Variants in RASEF observed in about 807,000 individuals in gnomAD.
RASEF encodes RAS and EF-hand domain containing, also known as ras and EF-hand domain-containing protein.
A neutral mutation model predicts 90.1 loss-of-function variants in RASEF; 68 were observed. The observed-to-expected ratio is 0.75, with a 90% CI of 0.62 to 0.92. RASEF has a LOEUF of 0.92. Ranked by LOEUF, RASEF falls within the 40% of genes least tolerant of loss-of-function variation. The pLI, the probability that RASEF is intolerant of heterozygous loss-of-function variation, is 0.00. For missense variants in RASEF, 949 were observed against 937.2 expected (o/e 1.01, Z -0.16); for synonymous variants, 331 against 345.2 (o/e 0.96, Z 0.46).
chr9:83,097,654 C>G, the RASEF span, among the ~76,000 whole-genome samples: 1 of 152,156 alleles, frequency 6.6e-6, no homozygotes, highest in African/African-American at 2.4e-5. Flanking sequence ...TGAAAAAATG[C>G]TCATCATCAC....
At chr9:83,043,390 C>T (rs1361063036) in intron 1 of RASEF, among the ~76,000 whole-genome samples, 1 of 107,406 alleles carries the variant, frequency 9.3e-6, no homozygotes, top group Non-Finnish European at 1.9e-5. Context: ...GAGGGGTCTG[C>T]AGTGATTGGG....
the RASEF span, among the ~76,000 whole-genome samples, chr9:83,170,490 T>C: frequency 6.6e-6 from 1 of 151,948 alleles, no homozygotes; most frequent in African/African-American, 2.4e-5. Context: ...AAGATTTCAT[T>C]GAATCTATAT....
intron 4 of RASEF, among the ~76,000 whole-genome samples, chr9:83,013,108 T>A (rs923181564): frequency 1.3e-5 from 2 of 152,226 alleles, no homozygotes; most frequent in Non-Finnish European, 2.9e-5. Flanking sequence ...CATTTCTACA[T>A]GAGCTTTGCT....
the RASEF span, among the ~76,000 whole-genome samples, chr9:83,139,186 A>T: frequency 6.6e-6 from 1 of 152,156 alleles, no homozygotes; most frequent in African/African-American, 2.4e-5. Flanking sequence ...TCTTAACAGG[A>T]TCCCAGAGGA....
At chr9:83,025,482 A>C (rs1289589849) in intron 2 of RASEF, among the ~76,000 whole-genome samples, 1 of 152,188 alleles carries the variant, frequency 6.6e-6, no homozygotes, top group African/African-American at 2.4e-5. Context: ...CTCTAGATAA[A>C]AGTTTCCTGT....
At chr9:83,214,403 TATTA>T in the RASEF span, among the ~76,000 whole-genome samples, 24 of 152,152 alleles carry the variant, frequency 1.6e-4, no homozygotes, top group African/African-American at 5.8e-4. Context: ...AATAAATAAA[TATTA>T]ATTAATTTTT....
the RASEF span, among the ~76,000 whole-genome samples, chr9:83,100,952 T>G: frequency 2.0e-5 from 3 of 152,218 alleles, no homozygotes; most frequent in Non-Finnish European, 4.4e-5. Context: ...GGTCAACTAT[T>G]AGGTATATTA....
At chr9:83,122,121 C>T in the RASEF span, among the ~76,000 whole-genome samples, 4 of 152,206 alleles carry the variant, frequency 2.6e-5, no homozygotes, top group Non-Finnish European at 4.4e-5. Flanking sequence ...TGGTGAGGTG[C>T]CTTGTGGCTC....
At chr9:82,995,235 TTTGTGCCTCC>T (rs1296068946) in intron 14 of RASEF, among the ~76,000 whole-genome samples, 1 of 152,202 alleles carries the variant, frequency 6.6e-6, no homozygotes, top group Non-Finnish European at 1.5e-5. Flanking sequence ...GATCTTGCCT[TTTGTGCCTCC>T]TTTTCTTGAG....
chr9:83,014,355 T>C (rs751606324), intron 4 of RASEF, among the ~76,000 whole-genome samples: 4 of 152,148 alleles, frequency 2.6e-5, no homozygotes, highest in Admixed American at 6.6e-5. Context: ...TTTTTTAAGA[T>C]ACTGACATAA....
chr9:83,049,005 T>C (rs1050708313), intron 1 of RASEF, among the ~76,000 whole-genome samples: 2 of 151,626 alleles, frequency 1.3e-5, no homozygotes, highest in Admixed American at 1.3e-4. Context: ...ATGTCTGTAA[T>C]CCCAGCTACT....
chr9:83,092,817 A>C, the RASEF span, among the ~76,000 whole-genome samples: 2 of 152,080 alleles, frequency 1.3e-5, no homozygotes, highest in Non-Finnish European at 2.9e-5. Context: ...TGAGCTAGAC[A>C]CAAAGGTTCT....
chr9:83,075,632 C>T, the RASEF span, among the ~76,000 whole-genome samples: 2 of 152,086 alleles, frequency 1.3e-5, no homozygotes, highest in Admixed American at 1.3e-4. Context: ...TCTCAAAACA[C>T]TCAAAAATTT....
chr9:82,991,966 A>G (rs531763929), intron 15 of RASEF, among the ~76,000 whole-genome samples: 3 of 152,332 alleles, frequency 2.0e-5, no homozygotes, highest in African/African-American at 7.2e-5. Flanking sequence ...CCAGCACACA[A>G]TGAAGTGTTT....
chr9:83,135,314 A>C, the RASEF span, among the ~76,000 whole-genome samples: 1 of 151,990 alleles, frequency 6.6e-6, no homozygotes, highest in Non-Finnish European at 1.5e-5. Flanking sequence ...ACTTGGACAC[A>C]GGAAGGGGAA....
At chr9:83,212,819 A>G in the RASEF span, among the ~76,000 whole-genome samples, 65 of 152,314 alleles carry the variant, frequency 4.3e-4, no homozygotes, top group Non-Finnish European at 4.9e-4. Context: ...GTCAAGGGAG[A>G]GGCAAAGGGA....
the RASEF span, among the ~76,000 whole-genome samples, chr9:83,125,838 G>A: frequency 6.6e-6 from 1 of 152,200 alleles, no homozygotes; most frequent in African/African-American, 2.4e-5. Flanking sequence ...AAGTCTCTGA[G>A]AAGTCCTGTG....
At chr9:83,006,650 C>G (rs985907302) in intron 7 of RASEF, among the ~76,000 whole-genome samples, 2 of 152,048 alleles carry the variant, frequency 1.3e-5, no homozygotes, top group South Asian at 2.1e-4. Context: ...CTGCTATAAC[C>G]TAGTCATAAA....
At chr9:83,097,134 T>C in the RASEF span, among the ~76,000 whole-genome samples, 1 of 152,230 alleles carries the variant, frequency 6.6e-6, no homozygotes, top group African/African-American at 2.4e-5. Context: ...TTATAATCCT[T>C]TGGGTATATA....
Sources: allele counts gnomAD v4.1 joint callset (sites outside exome capture counted in the v4.1 genomes callset), GRCh38; gene constraint gnomAD v4.1.1; transcripts MANE v1.5; gene names NCBI Gene and HGNC (gene_info 2026-07-23, HGNC 2026-07-21).